Variants in INTU observed in about 807,000 individuals in gnomAD.
The protein encoded by INTU is protein inturned.
In INTU, 68 loss-of-function variants were observed where a neutral mutation model predicts 100.5. The observed-to-expected ratio is 0.68, with a 90% CI of 0.56 to 0.83. INTU has a LOEUF of 0.83. INTU is among the 40% of genes least tolerant of loss of function. INTU has a pLI of 0.00. For missense variants in INTU, 1,071 were observed against 1,114.7 expected, an observed-to-expected ratio of 0.96 and a Z score of 0.56; for synonymous variants, 357 against 395.7, an observed-to-expected ratio of 0.90 and a Z score of 1.16.
intron 3 of INTU, among the ~76,000 whole-genome samples, chr4:127,659,446 T>G (rs2126196359): frequency 6.6e-6 from 1 of 152,340 alleles, no homozygotes. Context: ...GGGCAATCAT[T>G]GTTCTCTTCT....
intron 9 of INTU, among the ~76,000 whole-genome samples, 173 bp from the exon 10 acceptor site, chr4:127,704,055 C>T (rs1050687801): frequency 2.3e-4 from 35 of 152,024 alleles, no homozygotes; most frequent in South Asian, 2.1e-4. Context: ...GTGAAGTAAA[C>T]GTATGCATAT....
chr4:127,679,011 A>G (rs1487048689), intron 6 of INTU, among the ~76,000 whole-genome samples: 6 of 152,250 alleles, frequency 3.9e-5, no homozygotes, highest in South Asian at 2.1e-4. Flanking sequence ...AAAGAAGGCC[A>G]TTACATAATG....
At chr4:127,663,317 A>G (rs373411625) in intron 3 of INTU, 64 bp from the exon 4 acceptor site, 1 of 1,197,342 alleles carries the variant, frequency 8.4e-7, no homozygotes, top group Admixed American at 1.9e-5. Flanking sequence ...CAGATCCTTC[A>G]TTGTGAAAAC....
chr4:127,725,446 A>T lies in INTU; in HGVS notation c.*9010A>T, dbSNP rs564615804. On this transcript the variant is annotated 3_prime_UTR_variant, in exon 16 of 16. Transcript: ENST00000335251. ...GACACTTTGGTTAAAACAATTTATT[A>T]AATGTCTTAAATTTCTGGATATGTC... 384 of 152,360 alleles carry T rather than the reference A, an allele frequency of 2.5e-3. 3 individuals carry two copies. The highest frequency in any genetic ancestry group is 8.9e-3 in the African/African-American group (371 of 41,582). 9.4% of individuals were successfully genotyped at this position (152,360 alleles called of 1,614,324 possible). A position where few individuals can be genotyped will look rare whatever the true frequency, so the allele number is the denominator to read the frequency against.
chr4:127,662,520 A>G (rs982176396), intron 3 of INTU, among the ~76,000 whole-genome samples: 3 of 152,140 alleles, frequency 2.0e-5, no homozygotes, highest in East Asian at 3.9e-4. Context: ...TGAACGAGTT[A>G]TCTTTGACCA....
At chr4:127,700,137 T>G in intron 9 of INTU, 74 bp downstream of exon 9, 2 of 1,148,694 alleles carry the variant, frequency 1.7e-6, no homozygotes, top group South Asian at 2.8e-5. Flanking sequence ...TTCTAAATAT[T>G]TACCAAGTGG....
At chr4:127,711,900 A>G (rs1353332441) in intron 14 of INTU, among the ~76,000 whole-genome samples, 2 of 152,188 alleles carry the variant, frequency 1.3e-5, no homozygotes, top group African/African-American at 4.8e-5. Context: ...TCTATCCAGG[A>G]TGAAGTTTCA....
rs778287020 is a variant in INTU at position 127,714,014 on chromosome 4, G to A, written c.2638G>A (p.Gly880Ser). The change falls in exon 15 of 16, where the codon GGT (glycine) becomes AGT (serine). Residue 880 changes from glycine to serine, a missense_variant. By Grantham distance (56) the Gly-to-Ser change is moderately conservative. Transcript: ENST00000335251. ...TTCTCTTAACCCTGTTAAAGAACAT[G>A]GTGTGTTGTTTGAATGTTCACCTGG... ...VSSLNPVKEH[G>S]VLFECSPGNW... is the part of the protein sequence containing the mutation. The A allele has an allele frequency of 6.8e-6, 11 of 1,613,254 alleles. No homozygotes were observed. Among genetic ancestry groups the A allele is most frequent in the Middle Eastern group, 1.7e-4 (1 of 6,052 alleles).
chr4:127,638,140 CAG>C (rs1245335318), intron 1 of INTU, among the ~76,000 whole-genome samples: 1 of 152,106 alleles, frequency 6.6e-6, no homozygotes, highest in Non-Finnish European at 1.5e-5. Flanking sequence ...AAAGAAAACA[CAG>C]AAAAGCATAG....
At chr4:127,671,558 T>G (rs1352078947) in intron 5 of INTU, among the ~76,000 whole-genome samples, 6 of 152,002 alleles carry the variant, frequency 3.9e-5, no homozygotes, top group African/African-American at 1.4e-4. Flanking sequence ...GTATGGAGAT[T>G]TCTCAAAAAA....
chr4:127,707,778 A>AT (rs939305049), intron 12 of INTU, among the ~76,000 whole-genome samples: 12 of 152,038 alleles, frequency 7.9e-5, no homozygotes, highest in African/African-American at 1.2e-4. Context: ...ATTTTTCCTA[A>AT]TTTTTTCCCA....
chr4:127,693,835 T>C (rs1416078118), intron 8 of INTU, among the ~76,000 whole-genome samples: 1 of 152,162 alleles, frequency 6.6e-6, no homozygotes, highest in African/African-American at 2.4e-5. Flanking sequence ...GATGATCATG[T>C]GATTTTTGTT....
In INTU at chr4:127,722,377, C is replaced by G. The variant is rs1264803237; in HGVS notation, c.*5941C>G. On this transcript the variant is annotated 3_prime_UTR_variant, in exon 16 of 16. Transcript: ENST00000335251. ...CTGGCCTGATGCTAGCCGGAATGCT[C>G]CTGTATGAAGTGTCTGGAGACTCCT... 1.3e-5 allele frequency: 2 copies of G among 152,278 alleles called. No homozygotes were observed. The highest frequency in any genetic ancestry group is 1.3e-4 in the Admixed American group (2 of 15,280). 9.4% of individuals were successfully genotyped at this position (152,278 alleles called of 1,614,324 possible).
chr4:127,660,433 G>A (rs1398873669), intron 3 of INTU, among the ~76,000 whole-genome samples: 1 of 152,190 alleles, frequency 6.6e-6, no homozygotes, highest in Non-Finnish European at 1.5e-5. Flanking sequence ...CATGCAGAGA[G>A]CAGTGTAGAT....
rs1255618828 is a variant in INTU, at chr4:127,714,001, T to C, written c.2625T>C (p.Pro875=). ...DSAKSVSSLN[P]VKEHGVLFEC... ...CAAAGTCAGTGTCTTCTCTTAACCC[T>C]GTTAAAGAACATGGTGTGTTGTTTG... Residue 875 remains proline (P), a synonymous_variant, in exon 15 of 16, where the codon CCT becomes CCC. Transcript: ENST00000335251. The C allele has an allele frequency of 6.2e-7, 1 of 1,613,232 alleles. No homozygotes were observed.
intron 2 of INTU, among the ~76,000 whole-genome samples, chr4:127,646,655 G>T (rs1018253182): frequency 6.6e-6 from 1 of 152,038 alleles, no homozygotes; most frequent in African/African-American, 2.4e-5. Context: ...TTGACATATG[G>T]TTTAGACAGG....
chr4:127,658,621 C>T (rs1022087146), intron 3 of INTU, among the ~76,000 whole-genome samples: 3 of 152,128 alleles, frequency 2.0e-5, no homozygotes, highest in African/African-American at 7.2e-5. Flanking sequence ...CCAGTATTGC[C>T]AGAGTTCAAT....
At chr4:127,693,957 A>G (rs55888646) in intron 8 of INTU, among the ~76,000 whole-genome samples, 15,157 of 151,922 alleles carry the variant, frequency 0.1, 1,045 homozygotes, top group East Asian at 0.26. Context: ...TTGATATGCT[A>G]TTGGATTTGG....
intron 2 of INTU, among the ~76,000 whole-genome samples, chr4:127,651,566 C>G (rs957361824): frequency 6.6e-6 from 1 of 152,112 alleles, no homozygotes; most frequent in Non-Finnish European, 1.5e-5. Flanking sequence ...CTGTTCTGTT[C>G]CATTGATCTA....
Sources: allele counts gnomAD v4.1 joint callset (sites outside exome capture counted in the v4.1 genomes callset), GRCh38; gene constraint gnomAD v4.1.1; transcripts MANE v1.5; gene names NCBI Gene and HGNC (gene_info 2026-07-23, HGNC 2026-07-21).